Variants in GRIK1 observed in about 807,000 individuals in gnomAD.
GRIK1 encodes glutamate ionotropic receptor kainate type subunit 1.
In GRIK1, 69 loss-of-function variants were observed where a neutral mutation model predicts 105.7. The ratio of observed to expected loss-of-function variants is 0.65; its 90% CI spans 0.54 to 0.80. The LOEUF is 0.80. Ranked by LOEUF, GRIK1 falls within the 30% of genes least tolerant of loss-of-function variation. The pLI is 0.00. For synonymous variants in GRIK1, 438 were observed against 431.3 expected, an observed-to-expected ratio of 1.02 and a Z score of -0.19; for missense variants, 1,109 against 1,167.3, an observed-to-expected ratio of 0.95 and a Z score of 0.73.
intron 1 of GRIK1, among the ~76,000 whole-genome samples, chr21:29,765,907 A>C (rs2065651920): frequency 6.6e-6 from 1 of 151,330 alleles, no homozygotes; most frequent in Non-Finnish European, 1.5e-5. Flanking sequence ...GCTGGAGTGC[A>C]GTGGCGCGAT....
intron 16 of GRIK1, among the ~76,000 whole-genome samples, chr21:29,543,727 G>T (rs895254978): frequency 6.6e-6 from 1 of 152,182 alleles, no homozygotes; most frequent in African/African-American, 2.4e-5. Context: ...TCCGTGTAAA[G>T]AATGTTGGGG....
At chr21:29,628,672 A>G (rs1292013334) in intron 7 of GRIK1, among the ~76,000 whole-genome samples, 1 of 152,238 alleles carries the variant, frequency 6.6e-6, no homozygotes, top group Non-Finnish European at 1.5e-5. Context: ...CTAAATGGGC[A>G]GGATCACAAA....
intron 1 of GRIK1, among the ~76,000 whole-genome samples, chr21:29,897,033 G>C (rs2070193665): frequency 6.6e-6 from 1 of 152,182 alleles, no homozygotes; most frequent in Non-Finnish European, 1.5e-5. Flanking sequence ...TCCTTACAAT[G>C]AATGAGAAGC....
intron 7 of GRIK1, among the ~76,000 whole-genome samples, chr21:29,602,878 T>C (rs1041871523): frequency 6.6e-6 from 1 of 152,128 alleles, no homozygotes; most frequent in African/African-American, 2.4e-5. Flanking sequence ...AGGGAGATCA[T>C]TTGATATCTC....
chr21:29,701,673 GGGA>G (rs1249286978), intron 1 of GRIK1, among the ~76,000 whole-genome samples: 1 of 152,170 alleles, frequency 6.6e-6, no homozygotes, highest in Admixed American at 6.5e-5. Flanking sequence ...ATAGACTGAA[GGGA>G]GGAGAAGGGC....
chr21:29,669,335 A>G (rs2063121188), intron 4 of GRIK1, among the ~76,000 whole-genome samples: 1 of 152,234 alleles, frequency 6.6e-6, no homozygotes, highest in Non-Finnish European at 1.5e-5. Flanking sequence ...ATGCAGGACA[A>G]TGATGGAAAA....
intron 1 of GRIK1, among the ~76,000 whole-genome samples, chr21:29,856,878 C>T (rs749144967): frequency 1.4e-4 from 22 of 151,946 alleles, no homozygotes; most frequent in Non-Finnish European, 1.0e-4. Context: ...ACCACAAAGT[C>T]GAAGCCTAAG....
At chr21:29,929,204 T>C (rs1015218823) in intron 1 of GRIK1, among the ~76,000 whole-genome samples, 1 of 152,180 alleles carries the variant, frequency 6.6e-6, no homozygotes, top group African/African-American at 2.4e-5. Flanking sequence ...ACTAGGAGGT[T>C]ATGTGACATG....
chr21:29,916,997 A>G (rs1304014866), intron 1 of GRIK1, among the ~76,000 whole-genome samples: 3 of 152,024 alleles, frequency 2.0e-5, no homozygotes, highest in African/African-American at 4.8e-5. Context: ...AATTCTCTCC[A>G]GAAAAAGTAA....
rs182521943 is a variant in GRIK1, at chr21:29,707,450, C to T, written c.119-13387G>A. Among the ~76,000 whole-genome samples, 159 of 71,570 alleles carry T rather than the reference C, an allele frequency of 2.2e-3. 6 individuals carry two copies. The highest frequency in any genetic ancestry group is 7.4e-3 in the African/African-American group (131 of 17,638). The allele number at this position is 71,570 out of a possible 152,430, so 47.0% of individuals were successfully genotyped here. A position where few individuals can be genotyped will look rare whatever the true frequency, so the allele number is the denominator to read the frequency against. ...TCCCTTCCTCCCTCCCTCCCTCCCTCCCTCCCTCCCTCCCTCCCTCCCTCT... is the reference window on the plus strand; with the variant it reads ...TCCCTTCCTCCCTCCCTCCCTCCCTTCCTCCCTCCCTCCCTCCCTCCCTCT... On this transcript the variant is annotated intron_variant, in intron 1 of 17. Coordinates refer to ENST00000327783, the MANE Select transcript of GRIK1 (RefSeq NM_001330994.2).
At chr21:29,658,410 G>A (rs974012776) in intron 4 of GRIK1, among the ~76,000 whole-genome samples, 78 of 152,200 alleles carry the variant, frequency 5.1e-4, no homozygotes, top group African/African-American at 1.5e-3. Flanking sequence ...TTACAGGCAC[G>A]TACCGCCATG....
intron 13 of GRIK1, among the ~76,000 whole-genome samples, chr21:29,579,539 T>A (rs906879148): frequency 1.3e-5 from 2 of 152,012 alleles, no homozygotes; most frequent in South Asian, 2.1e-4. Flanking sequence ...TCATCACATT[T>A]AAAAAAAATT....
intron 13 of GRIK1, among the ~76,000 whole-genome samples, chr21:29,580,424 C>A (rs375173181): frequency 1.2e-4 from 19 of 152,092 alleles, no homozygotes; most frequent in African/African-American, 4.6e-4. Flanking sequence ...AATTGCGTAA[C>A]TAGGATTTTC....
intron 1 of GRIK1, among the ~76,000 whole-genome samples, chr21:29,846,486 A>AAAG (rs1369427942): frequency 1.3e-5 from 2 of 150,670 alleles, no homozygotes; most frequent in South Asian, 4.2e-4. Context: ...AGAAAGAAAG[A>AAAG]AAGAAAGAAA....
rs556617409 is a variant in GRIK1, at chr21:29,707,033, G to A, written c.119-12970C>T. 8.0e-4 allele frequency among the ~76,000 whole-genome samples: 121 copies of A among 151,530 alleles called. 1 individual carries two copies. Among genetic ancestry groups the A allele is most frequent in the African/African-American group, 2.7e-3 (112 of 41,334 alleles). On this transcript the variant is annotated intron_variant, in intron 1 of 17. Transcript: ENST00000327783. ...GTGCCCGCCACCGCGCCCTGCTAAT[G>A]TTTTGTATTTTTAGTAGAGACAGGG...
intron 4 of GRIK1, among the ~76,000 whole-genome samples, chr21:29,655,423 A>T (rs542743690): frequency 6.6e-5 from 10 of 151,732 alleles, no homozygotes; most frequent in Non-Finnish European, 1.2e-4. Context: ...AAAAAAAAAT[A>T]GTTTGTACTA....
intron 1 of GRIK1, among the ~76,000 whole-genome samples, chr21:29,848,055 T>C (rs778544620): frequency 4.7e-4 from 71 of 152,102 alleles, no homozygotes; most frequent in Admixed American, 1.4e-3. Context: ...TAAGTTATTA[T>C]TATTATTATT....
chr21:29,593,799 C>T (rs1191154442), intron 9 of GRIK1, among the ~76,000 whole-genome samples: 1 of 152,148 alleles, frequency 6.6e-6, no homozygotes, highest in Non-Finnish European at 1.5e-5. Context: ...TGACAGTGTT[C>T]AATAGCCTAG....
At chr21:29,557,778 A>G (rs924516630) in intron 15 of GRIK1, among the ~76,000 whole-genome samples, 1 of 152,208 alleles carries the variant, frequency 6.6e-6, no homozygotes, top group African/African-American at 2.4e-5. Flanking sequence ...AATTAGCACC[A>G]TTGATATACC....
Sources: gnomAD v4.1 joint callset for allele counts (sites outside exome capture counted in the v4.1 genomes callset) on GRCh38, gnomAD v4.1.1 for gene constraint, MANE v1.5 for transcripts, NCBI Gene and HGNC (gene_info 2026-07-23, HGNC 2026-07-21) for gene names.